The following SEL1L3 variants were observed in gnomAD, a reference collection of about 807,000 sequenced individuals.
SEL1L3 encodes the protein SEL1L family member 3, also known as protein sel-1 homolog 3.
A neutral mutation model predicts 142.8 loss-of-function variants in SEL1L3; 76 were observed. That is an observed-to-expected ratio of 0.53 (90% confidence interval 0.44 to 0.64). The LOEUF is 0.64. SEL1L3 is among the 30% of genes least tolerant of loss of function. SEL1L3 has a pLI of 0.00. For synonymous variants in SEL1L3, 504 were observed against 519.6 expected, an observed-to-expected ratio of 0.97 and a Z score of 0.41; for missense variants, 1,262 against 1,381.7, an observed-to-expected ratio of 0.91 and a Z score of 1.37.
intron 23 of SEL1L3, chr4:25,756,791 T>G: frequency 8.4e-7 from 1 of 1,191,848 alleles, no homozygotes; most frequent in African/African-American, 1.6e-5. Flanking sequence ...GGATTTTTAT[T>G]CATTACGAGT....
At chr4:25,819,078 C>T (rs1309489107) in intron 8 of SEL1L3, among the ~76,000 whole-genome samples, 2 of 152,154 alleles carry the variant, frequency 1.3e-5, no homozygotes, top group East Asian at 3.8e-4. Context: ...AATTTCTCTT[C>T]CAGAAGGAAC....
At chr4:25,855,522 G>A (rs528981686) in intron 1 of SEL1L3, among the ~76,000 whole-genome samples, 42 of 152,236 alleles carry the variant, frequency 2.8e-4, no homozygotes, top group African/African-American at 9.9e-4. Flanking sequence ...TTGGGAGGCC[G>A]AGGCGGGTGG....
chr4:25,861,628 CTCT>C (rs1183276901), intron 1 of SEL1L3, among the ~76,000 whole-genome samples: 5 of 124,332 alleles, frequency 4.0e-5, no homozygotes, highest in Admixed American at 8.5e-5. Flanking sequence ...AATGACACTG[CTCT>C]TTTTTTTTTT....
At chr4:25,826,652 G>A (rs1376627318) in intron 6 of SEL1L3, among the ~76,000 whole-genome samples, 5 of 152,028 alleles carry the variant, frequency 3.3e-5, no homozygotes, top group African/African-American at 1.2e-4. Flanking sequence ...GTCTGAGTAC[G>A]GCTAGCTTTT....
rs768486539 is a variant in SEL1L3, at chr4:25,765,334, C to T, written c.2947G>A (p.Asp983Asn). Residue 983 changes from aspartate (D) to asparagine (N), a missense_variant, in exon 20 of 24, where the codon GAC becomes AAC. This residue lies in a region of SEL1L3 where 435 missense variants were observed against 559.2 expected (regional missense o/e 0.78). Coordinates refer to ENST00000399878, the MANE Select transcript of SEL1L3 (RefSeq NM_015187.5). ...QMYAQAALDG[D>N]SQGFFNLALL... is the part of the protein sequence containing the mutation. ...TTGCGGTTGCTGTTTACCTGGGAGT[C>T]TCCATCCAGGGCGGCTTGGGCGTAC... 6.2e-7 allele frequency: 1 copy of T among 1,610,050 alleles called. No individual in the cohort carries two copies. Among genetic ancestry groups the T allele is most frequent in the African/African-American group, 1.3e-5 (1 of 74,946 alleles).
Position 25,776,293 on chromosome 4 carries a change from A to G in SEL1L3, c.2653T>C (p.Tyr885His). Residue 885 changes from tyrosine (Y) to histidine (H), a missense_variant, in exon 17 of 24, where the codon TAC (tyrosine) becomes CAC (histidine). Around this residue, in one of 3 missense-constraint regions of SEL1L3, gnomAD observed 435 missense variants for 559.2 expected, o/e 0.78. Coordinates refer to ENST00000399878, the MANE Select transcript of SEL1L3 (RefSeq NM_015187.5). ...GHVIRKGLNA[Y>H]LEGSWHEALL... ...CAAGCTTACCATGAACCTTCCAGGTAGGCATTGAGGCCTTTGCGGATGACA... is the reference window on the plus strand; with the variant it reads ...CAAGCTTACCATGAACCTTCCAGGTGGGCATTGAGGCCTTTGCGGATGACA... The G allele has an allele frequency of 6.2e-7, 1 of 1,611,906 alleles. No homozygotes were observed. Among genetic ancestry groups the G allele is most frequent in the Non-Finnish European group, 8.5e-7 (1 of 1,178,170 alleles).
At chr4:25,853,727 A>G (rs1485110796) in intron 1 of SEL1L3, among the ~76,000 whole-genome samples, 1 of 138,208 alleles carries the variant, frequency 7.2e-6, no homozygotes, top group South Asian at 2.2e-4. Context: ...GCTGGAGTGC[A>G]ATAGGGCAAT....
In SEL1L3 at chr4:25,818,262, G is replaced by A. The variant is rs767608617; in HGVS notation, c.1440C>T (p.Ser480=). ...ERQEACHLHN[S]YLDLQRRYGR... ...CATACCTGCGCTGGAGGTCCAGGTAGGAGTTGTGGAGGTGGCCTACACAGA... is the reference window on the plus strand; with the variant it reads ...CATACCTGCGCTGGAGGTCCAGGTAAGAGTTGTGGAGGTGGCCTACACAGA... The change falls in exon 9 of 24, where the codon TCC becomes TCT. Residue 480 remains serine, a synonymous_variant. Coordinates refer to ENST00000399878, the MANE Select transcript of SEL1L3 (RefSeq NM_015187.5). 9 of 1,600,858 alleles carry A rather than the reference G, an allele frequency of 5.6e-6. No homozygotes were observed. The South Asian group carries it at 7.9e-5, about 14-fold the overall frequency.
At chr4:25,796,745 C>T (rs777938116) in intron 11 of SEL1L3, among the ~76,000 whole-genome samples, 1 of 151,844 alleles carries the variant, frequency 6.6e-6, no homozygotes, top group Non-Finnish European at 1.5e-5. Flanking sequence ...CACACCACTG[C>T]ACTCCAGAGG....
At chr4:25,845,760 C>T (rs2109306518) in intron 2 of SEL1L3, among the ~76,000 whole-genome samples, 1 of 152,004 alleles carries the variant, frequency 6.6e-6, no homozygotes, top group South Asian at 2.1e-4. Context: ...CCAAACCCAT[C>T]CTGTTGATGA....
chr4:25,802,518 C>G, intron 10 of SEL1L3, 56 bp from the exon 11 acceptor site: 1 of 1,454,700 alleles, frequency 6.9e-7, no homozygotes, highest in Non-Finnish European at 9.5e-7. Flanking sequence ...GTCATAAAAT[C>G]CTAACACTGA....
At chr4:25,826,120 CAG>C (rs1359347304) in intron 6 of SEL1L3, among the ~76,000 whole-genome samples, 1 of 152,148 alleles carries the variant, frequency 6.6e-6, no homozygotes, top group Non-Finnish European at 1.5e-5. Context: ...TCCATGAAGG[CAG>C]AGTCTGTATT....
intron 6 of SEL1L3, among the ~76,000 whole-genome samples, chr4:25,825,664 C>CAA (rs1715042978): frequency 5.5e-5 from 6 of 108,232 alleles, no homozygotes; most frequent in Non-Finnish European, 9.2e-5. Context: ...GGTCTAAATT[C>CAA]TATTTTTTTT....
chr4:25,761,840 G>C (rs1718397028), intron 20 of SEL1L3, among the ~76,000 whole-genome samples: 1 of 152,220 alleles, frequency 6.6e-6, no homozygotes, highest in African/African-American at 2.4e-5. Context: ...AAAGATTTCA[G>C]TCATCCTTCT....
At chr4:25,809,609 G>A (rs532611676) in intron 9 of SEL1L3, among the ~76,000 whole-genome samples, 100 of 152,158 alleles carry the variant, frequency 6.6e-4, no homozygotes, top group African/African-American at 2.3e-3. Flanking sequence ...GATTTTACAC[G>A]TCATTTTTCT....
At position 25,822,138 on chromosome 4, in the gene SEL1L3, A is replaced by C; in HGVS notation, c.1158-10T>G. 1.9e-6 allele frequency: 3 copies of C among 1,613,920 alleles called. No individual in the cohort carries two copies. Among genetic ancestry groups the C allele is most frequent in the East Asian group, 4.5e-5 (2 of 44,890 alleles). On this transcript the variant is annotated splice_polypyrimidine_tract_variant and intron_variant, in intron 6 of 23. Transcript: ENST00000399878. The stretch of plus-strand genomic sequence containing the variant: ...GAAATCCTCCCGGAAGCTAGAGAAG[A>C]GAATGAAGGATTAAGAGAGCTCCAT...
At chr4:25,728,558 C>T in the SEL1L3 span, among the ~76,000 whole-genome samples, 5 of 152,088 alleles carry the variant, frequency 3.3e-5, no homozygotes, top group East Asian at 1.9e-4. Flanking sequence ...AAATCCTGCC[C>T]GTCCATCAAG....
chr4:25,832,948 A>T, intron 5 of SEL1L3, 47 bp downstream of exon 5: 1 of 1,203,814 alleles, frequency 8.3e-7, no homozygotes, highest in Non-Finnish European at 1.2e-6. Context: ...GCTTAACTTT[A>T]AGCGAAAATG....
chr4:25,818,994 G>T (rs555122557), intron 8 of SEL1L3, among the ~76,000 whole-genome samples: 2 of 152,178 alleles, frequency 1.3e-5, no homozygotes, highest in African/African-American at 4.8e-5. Context: ...GAGAAGTTCC[G>T]CTCTGGAGAT....
Sources: gnomAD v4.1 joint callset for allele counts (sites outside exome capture counted in the v4.1 genomes callset) on GRCh38, gnomAD v4.1.1 for gene constraint, gnomAD v4.1.1 regional missense constraint, MANE v1.5 for transcripts, NCBI Gene and HGNC (gene_info 2026-07-23, HGNC 2026-07-21) for gene names.